Variants in EDIL3 observed in about 807,000 individuals in gnomAD.
EDIL3 encodes EGF like and discoidin domains 3, also known as EGF-like repeat and discoidin I-like domain-containing protein 3.
A neutral mutation model predicts 67.4 loss-of-function variants in EDIL3; 37 were observed. That is an observed-to-expected ratio of 0.55 (90% CI 0.42 to 0.72). The LOEUF (loss-of-function observed/expected upper bound fraction) is 0.72. Among genes scored for constraint, EDIL3 ranks in the 30% least tolerant of loss-of-function variants. The pLI, the probability that EDIL3 is intolerant of heterozygous loss-of-function variation, is 0.00. For synonymous variants in EDIL3, 195 were observed against 196.3 expected (o/e 0.99, Z 0.05); for missense variants, 527 against 586.3 (o/e 0.90, Z 1.04).
chr5:84,027,693 C>A (rs1324468164), intron 9 of EDIL3, among the ~76,000 whole-genome samples: 4 of 151,698 alleles, frequency 2.6e-5, no homozygotes, highest in African/African-American at 9.7e-5. Context: ...TAGCGAAGTG[C>A]TTATTATACA....
intron 2 of EDIL3, among the ~76,000 whole-genome samples, chr5:84,252,159 AT>A (rs1259124874): frequency 6.6e-6 from 1 of 152,112 alleles, no homozygotes; most frequent in Non-Finnish European, 1.5e-5. Context: ...TTGGATTAAT[AT>A]TTAAAAGTAT....
chr5:83,956,522 C>A (rs938106771), intron 10 of EDIL3, among the ~76,000 whole-genome samples: 2 of 151,700 alleles, frequency 1.3e-5, no homozygotes, highest in Non-Finnish European at 2.9e-5. Flanking sequence ...ACTAGATTGT[C>A]CTTTCCCAAC....
chr5:84,026,047 C>G (rs1745804278), intron 9 of EDIL3, among the ~76,000 whole-genome samples: 1 of 152,098 alleles, frequency 6.6e-6, no homozygotes, highest in South Asian at 2.1e-4. Flanking sequence ...AACGTGTGGT[C>G]TCTGGATGGG....
chr5:84,033,704 TAAAAAAAAA>T (rs71605889), intron 9 of EDIL3, among the ~76,000 whole-genome samples: 2,030 of 92,824 alleles, frequency 0.022, 46 homozygotes, highest in African/African-American at 0.073. Context: ...ACATTGTCTC[TAAAAAAAAA>T]AAAAAAAAAA....
chr5:84,358,592 C>CTTTTTTTTTTTT (rs756013675), intron 1 of EDIL3, among the ~76,000 whole-genome samples: 1 of 94,560 alleles, frequency 1.1e-5, no homozygotes, highest in African/African-American at 4.0e-5. Context: ...CATTTTTATC[C>CTTTTTTTTTTTT]TTTTTTTTTT....
chr5:84,320,659 T>C (rs1746618540), intron 1 of EDIL3, among the ~76,000 whole-genome samples: 1 of 152,160 alleles, frequency 6.6e-6, no homozygotes, highest in South Asian at 2.1e-4. Context: ...TGATACTTAC[T>C]GCCCCAGAGC....
intron 6 of EDIL3, among the ~76,000 whole-genome samples, chr5:84,073,414 T>C (rs1209127656): frequency 6.6e-6 from 1 of 152,200 alleles, no homozygotes; most frequent in Non-Finnish European, 1.5e-5. Context: ...ATTGTCCCTG[T>C]TTGCAGATGA....
chr5:84,337,626 T>A (rs1711854670), intron 1 of EDIL3, among the ~76,000 whole-genome samples: 1 of 152,040 alleles, frequency 6.6e-6, no homozygotes, highest in South Asian at 2.1e-4. Flanking sequence ...GAATAAAAAA[T>A]CCTTTTCTGG....
chr5:84,324,594 G>A (rs1274544956), intron 1 of EDIL3, among the ~76,000 whole-genome samples: 2 of 150,098 alleles, frequency 1.3e-5, no homozygotes, highest in African/African-American at 2.4e-5. Flanking sequence ...ATAGAGAATA[G>A]AAAAACACTA....
chr5:84,361,270 AACACACACACAC>A (rs10553087), intron 1 of EDIL3, among the ~76,000 whole-genome samples: 4 of 147,396 alleles, frequency 2.7e-5, no homozygotes, highest in East Asian at 2.0e-4. Flanking sequence ...AGGTCATTAC[AACACACACACAC>A]ACACACACAC....
At chr5:84,111,167 C>G (rs1440622027) in intron 5 of EDIL3, among the ~76,000 whole-genome samples, 1 of 152,130 alleles carries the variant, frequency 6.6e-6, no homozygotes, top group Non-Finnish European at 1.5e-5. Flanking sequence ...TTGTAAGTTT[C>G]CTGAAGCCTC....
chr5:84,120,447 T>A (rs1410758184), intron 5 of EDIL3, among the ~76,000 whole-genome samples: 2 of 152,018 alleles, frequency 1.3e-5, no homozygotes, highest in Non-Finnish European at 1.5e-5. Flanking sequence ...CTTTAAATAT[T>A]TTATCATTTT....
At chr5:84,252,640 A>G (rs1030352891) in intron 2 of EDIL3, among the ~76,000 whole-genome samples, 4 of 152,006 alleles carry the variant, frequency 2.6e-5, no homozygotes. Context: ...GGCACTGCCA[A>G]TTTGGGGTTG....
At chr5:84,222,121 A>C (rs1163714028) in intron 3 of EDIL3, among the ~76,000 whole-genome samples, 1 of 151,958 alleles carries the variant, frequency 6.6e-6, no homozygotes, top group Non-Finnish European at 1.5e-5. Context: ...TAAAAAATTC[A>C]CCATAAACAG....
intron 5 of EDIL3, among the ~76,000 whole-genome samples, chr5:84,122,544 A>G (rs1258396005): frequency 6.6e-6 from 1 of 151,852 alleles, no homozygotes; most frequent in Non-Finnish European, 1.5e-5. Flanking sequence ...AATTGAGGCA[A>G]TTGAGACTCA....
At chr5:83,972,781 G>T (rs1744815390) in intron 9 of EDIL3, among the ~76,000 whole-genome samples, 1 of 151,986 alleles carries the variant, frequency 6.6e-6, no homozygotes, top group Non-Finnish European at 1.5e-5. Context: ...TTAATAAAAT[G>T]ATATTATAAA....
intron 1 of EDIL3, among the ~76,000 whole-genome samples, chr5:84,374,269 G>C (rs1430671763): frequency 2.0e-5 from 3 of 150,188 alleles, no homozygotes; most frequent in Admixed American, 1.3e-4. Flanking sequence ...GAAGAAAGGA[G>C]TAAAAAATAA....
chr5:84,176,198 AATATATATATATAT>A (rs561062432), intron 4 of EDIL3, among the ~76,000 whole-genome samples: 4,831 of 77,224 alleles, frequency 0.063, 372 homozygotes, highest in African/African-American at 0.17. Flanking sequence ...ATATATATAT[AATATATATATATAT>A]ATATATATAT....
chr5:84,298,590 A>T (rs1746095232), intron 1 of EDIL3, among the ~76,000 whole-genome samples: 1 of 152,166 alleles, frequency 6.6e-6, no homozygotes, highest in Non-Finnish European at 1.5e-5. Context: ...TATGTAACAA[A>T]CCTGCAAATC....
Sources: allele counts gnomAD v4.1 joint callset (sites outside exome capture counted in the v4.1 genomes callset), GRCh38; gene constraint gnomAD v4.1.1; transcripts MANE v1.5; gene names NCBI Gene and HGNC (gene_info 2026-07-23, HGNC 2026-07-21).